The following STAM variants were observed in gnomAD, a reference collection of about 807,000 sequenced individuals.
STAM encodes signal transducing adaptor molecule.
In STAM, 16 loss-of-function variants were observed where a neutral mutation model predicts 63.4. That is an observed-to-expected ratio of 0.25 (90% CI 0.17 to 0.38). The LOEUF (loss-of-function observed/expected upper bound fraction) is 0.38, where lower values mean the gene tolerates loss of function less well. Ranked by LOEUF, STAM falls within the 10% of genes least tolerant of loss-of-function variation. The probability of loss-of-function intolerance (pLI) is 1.00; values close to 1 mark genes in which losing one functional copy is unlikely to be tolerated. For synonymous variants in STAM, 238 were observed against 223.9 expected (o/e 1.06, Z -0.56); for missense variants, 636 against 657.1 (o/e 0.97, Z 0.35).
intron 9 of STAM, among the ~76,000 whole-genome samples, chr10:17,702,325 A>C (rs1564567321): frequency 6.6e-6 from 1 of 152,176 alleles, no homozygotes; most frequent in Non-Finnish European, 1.5e-5. Flanking sequence ...TTAGGATAAA[A>C]TTTTGGAGGG....
At chr10:17,672,008 A>G (rs1039065376) in intron 2 of STAM, among the ~76,000 whole-genome samples, 1 of 152,176 alleles carries the variant, frequency 6.6e-6, no homozygotes, top group Admixed American at 6.5e-5. Flanking sequence ...TTATGATACT[A>G]AAAAGTACTT....
intron 2 of STAM, among the ~76,000 whole-genome samples, chr10:17,674,818 A>G (rs563592483): frequency 1.3e-3 from 194 of 152,334 alleles, no homozygotes; most frequent in African/African-American, 4.4e-3. Context: ...TGTTAGTTCC[A>G]TAAGTGTTGA....
chr10:17,677,576 A>G (rs537969147), intron 2 of STAM, among the ~76,000 whole-genome samples: 27 of 152,354 alleles, frequency 1.8e-4, no homozygotes, highest in African/African-American at 6.0e-4. Flanking sequence ...TGAAAAAGGC[A>G]AAATCTAAAT....
Position 17,696,772 on chromosome 10 carries a change from T to C in STAM, c.729-3T>C. 2 of 1,606,938 alleles carry C rather than the reference T, an allele frequency of 1.2e-6. No individual in the cohort carries two copies. Among genetic ancestry groups the C allele is most frequent in the East Asian group, 2.2e-5 (1 of 44,842 alleles). Reference sequence around the variant, plus strand: ...GTAAAGCATTGTTTTTTGTTTGTCATAGTGATCCTAACTGGTGGAAAGGTG... The same window carrying C: ...GTAAAGCATTGTTTTTTGTTTGTCACAGTGATCCTAACTGGTGGAAAGGTG... On this transcript the variant is annotated splice_polypyrimidine_tract_variant and splice_region_variant and intron_variant, in intron 7 of 13. Coordinates refer to ENST00000377524, the MANE Select transcript of STAM (RefSeq NM_003473.4).
chr10:17,675,139 C>T (rs1554824506), intron 2 of STAM, among the ~76,000 whole-genome samples: 2 of 152,140 alleles, frequency 1.3e-5, no homozygotes, highest in African/African-American at 4.8e-5. Flanking sequence ...GCCTTTTCAT[C>T]GCTTGGTTTT....
chr10:17,648,015 C>A (rs545249250), intron 1 of STAM, among the ~76,000 whole-genome samples: 1 of 120,518 alleles, frequency 8.3e-6, no homozygotes, highest in Non-Finnish European at 1.8e-5. Context: ...TCTCAGTAGA[C>A]GACAACATGA....
chr10:17,693,893 T>C (rs1459557565), intron 6 of STAM, among the ~76,000 whole-genome samples: 1 of 152,200 alleles, frequency 6.6e-6, no homozygotes, highest in Non-Finnish European at 1.5e-5. Flanking sequence ...ATGGTTGTTA[T>C]GATTTCCTTT....
At chr10:17,712,656 T>C (rs1404042715) in intron 13 of STAM, among the ~76,000 whole-genome samples, 2 of 152,184 alleles carry the variant, frequency 1.3e-5, no homozygotes, top group Non-Finnish European at 2.9e-5. Flanking sequence ...TTAATACAAA[T>C]GTAGGGGGAA....
chr10:17,702,885 G>A (rs1421803176), intron 9 of STAM, among the ~76,000 whole-genome samples: 6 of 151,644 alleles, frequency 4.0e-5, no homozygotes, highest in African/African-American at 1.2e-4. Context: ...GTGTGCGCTT[G>A]TAATCCTAGC....
intron 2 of STAM, among the ~76,000 whole-genome samples, chr10:17,666,300 A>G (rs915460879): frequency 2.0e-5 from 3 of 151,716 alleles, no homozygotes; most frequent in Admixed American, 6.6e-5. Flanking sequence ...GAAAGATCAT[A>G]TGATAGTCAT....
At chr10:17,713,672 A>G (rs1836665247) in intron 13 of STAM, among the ~76,000 whole-genome samples, 1 of 152,030 alleles carries the variant, frequency 6.6e-6, no homozygotes, top group Non-Finnish European at 1.5e-5. Context: ...AAATCTATCT[A>G]GACTCTGACC....
chr10:17,673,262 T>G (rs61842297), intron 2 of STAM, among the ~76,000 whole-genome samples: 2,913 of 152,346 alleles, frequency 0.019, 29 homozygotes, highest in Middle Eastern at 0.027. Flanking sequence ...ATTAACTACA[T>G]TTTATGAAAG....
chr10:17,670,579 G>A (rs1554823961), intron 2 of STAM, among the ~76,000 whole-genome samples: 1 of 152,100 alleles, frequency 6.6e-6, no homozygotes, highest in Non-Finnish European at 1.5e-5. Context: ...TTGTTTGACT[G>A]AAATATACCT....
intron 2 of STAM, among the ~76,000 whole-genome samples, chr10:17,667,521 C>T (rs1023451052): frequency 1.3e-5 from 2 of 152,150 alleles, no homozygotes; most frequent in African/African-American, 2.4e-5. Flanking sequence ...TCTTTGCGTT[C>T]GTCATTTTTT....
chr10:17,684,773 G>A (rs1554825877), intron 3 of STAM, 23 bp downstream of exon 3: 1 of 1,613,554 alleles, frequency 6.2e-7, no homozygotes, highest in East Asian at 2.2e-5. Context: ...ATTTTAATCT[G>A]TACCACGAAA....
Position 17,704,516 on chromosome 10 carries a change from A to G in STAM, c.998A>G (p.Glu333Gly), listed in dbSNP as rs1459722565. 1.1e-5 allele frequency: 17 copies of G among 1,613,604 alleles called. No homozygotes were observed. The highest frequency in any genetic ancestry group is 1.7e-6 in the Non-Finnish European group (2 of 1,179,692). ...QPDLPELLHL[E>G]AMCHQMGPLI... is the part of the protein sequence containing the mutation. ...GACCTACCAGAGCTGCTTCATCTTGAAGGTAAAACTTTTCTATTTACCTTG... is the reference window on the plus strand; with the variant it reads ...GACCTACCAGAGCTGCTTCATCTTGGAGGTAAAACTTTTCTATTTACCTTG... The change falls in exon 10 of 14, where the codon GAA becomes GGA. Residue 333 changes from glutamate (E) to glycine (G), a missense_variant and splice_region_variant. By Grantham distance (98) the Glu-to-Gly change is moderately conservative. This residue lies in a region of STAM where 532 missense variants were observed against 536.9 expected (regional missense o/e 0.99). Transcript: ENST00000377524.
rs185629120 is a variant in STAM at position 17,710,205 on chromosome 10, T to A, written c.1385+1254T>A. On this transcript the variant is annotated intron_variant, in intron 13 of 13. Coordinates refer to ENST00000377524, the MANE Select transcript of STAM (RefSeq NM_003473.4). The stretch of plus-strand genomic sequence containing the variant: ...GACTATGTCACATGCTGCTCTACCT[T>A]CCTTGTTACTAGAGATTACTTGAGA... Among the ~76,000 whole-genome samples the A allele has an allele frequency of 2.1e-4, 32 of 152,174 alleles. 1 individual carries two copies. The highest frequency in any genetic ancestry group is 7.5e-4 in the African/African-American group (31 of 41,510).
chr10:17,686,600 G>A (rs1260665828), intron 4 of STAM, among the ~76,000 whole-genome samples: 6 of 152,034 alleles, frequency 3.9e-5, no homozygotes, highest in Admixed American at 3.9e-4. Context: ...GGCCAGTCTC[G>A]AACTCCTGAC....
At chr10:17,662,712 T>C (rs1834221509) in intron 2 of STAM, among the ~76,000 whole-genome samples, 1 of 152,196 alleles carries the variant, frequency 6.6e-6, no homozygotes, top group Non-Finnish European at 1.5e-5. Context: ...GGGCCTTACT[T>C]TTCCAGTTTA....
Sources: gnomAD v4.1 joint callset for allele counts (sites outside exome capture counted in the v4.1 genomes callset) on GRCh38, gnomAD v4.1.1 for gene constraint, gnomAD v4.1.1 regional missense constraint, MANE v1.5 for transcripts, NCBI Gene and HGNC (gene_info 2026-07-23, HGNC 2026-07-21) for gene names.